The following SCFD2 variants were observed in gnomAD, a reference collection of about 807,000 sequenced individuals.
SCFD2 encodes sec1 family domain containing 2.
SCFD2 carries 54 observed loss-of-function variants against 58.9 expected under a neutral mutation model. The ratio of observed to expected loss-of-function variants is 0.92; its 90% confidence interval spans 0.74 to 1.15. The LOEUF is 1.15. SCFD2 is among the 50% of genes most tolerant of loss of function. The pLI, the probability that SCFD2 is intolerant of heterozygous loss-of-function variation, is 0.00. For missense variants in SCFD2, 805 were observed against 836.6 expected, an observed-to-expected ratio of 0.96 and a Z score of 0.47; for synonymous variants, 321 against 335.9, an observed-to-expected ratio of 0.96 and a Z score of 0.49.
At chr4:53,297,548 C>A (rs1448257346) in intron 3 of SCFD2, among the ~76,000 whole-genome samples, 1 of 151,902 alleles carries the variant, frequency 6.6e-6, no homozygotes, top group African/African-American at 2.4e-5. Context: ...CTATGTGTGT[C>A]CTTGCATGTG....
intron 5 of SCFD2, among the ~76,000 whole-genome samples, chr4:52,986,955 C>T (rs1162135886): frequency 6.6e-6 from 1 of 152,112 alleles, no homozygotes; most frequent in Non-Finnish European, 1.5e-5. Context: ...GTGGCTCAGC[C>T]CTGGTGAGAA....
At chr4:53,354,075 C>A (rs112415078) in intron 1 of SCFD2, among the ~76,000 whole-genome samples, 4,124 of 152,382 alleles carry the variant, frequency 0.027, 92 homozygotes, top group Non-Finnish European at 0.041. Context: ...TCCTGCACCA[C>A]GTGCCCACAT....
At chr4:53,283,326 A>G (rs1731562978) in intron 3 of SCFD2, among the ~76,000 whole-genome samples, 4 of 152,096 alleles carry the variant, frequency 2.6e-5, no homozygotes, top group Admixed American at 2.6e-4. Flanking sequence ...TTACTGCTCT[A>G]TATTACCATA....
chr4:53,098,563 C>A (rs369019283), intron 5 of SCFD2, among the ~76,000 whole-genome samples: 45 of 151,658 alleles, frequency 3.0e-4, no homozygotes, highest in African/African-American at 9.2e-4. Context: ...GTGGTGATAT[C>A]CCATTTTGTT....
chr4:53,170,181 C>T (rs1727139056), intron 4 of SCFD2, among the ~76,000 whole-genome samples: 1 of 152,088 alleles, frequency 6.6e-6, no homozygotes, highest in African/African-American at 2.4e-5. Flanking sequence ...TAGTGTCTAA[C>T]TCATTTTCAG....
rs183195981 is a variant in SCFD2 at position 53,307,469 on chromosome 4, C to A, written c.1135+6167G>T. 1.2e-4 allele frequency among the ~76,000 whole-genome samples: 19 copies of A among 152,268 alleles called. No homozygotes were observed. In the East Asian group the frequency reaches 3.5e-3, roughly 28 times the overall value. On this transcript the variant is annotated intron_variant, in intron 3 of 8. Coordinates refer to ENST00000401642, the MANE Select transcript of SCFD2 (RefSeq NM_152540.4). ...GCCTGATAATAGAAGTCAGACAGAT[C>A]CAGCTTTGTATCCTTGCTTACTTGC...
intron 5 of SCFD2, among the ~76,000 whole-genome samples, chr4:53,121,400 C>A (rs1380777720): frequency 1.3e-5 from 2 of 152,206 alleles, no homozygotes; most frequent in Non-Finnish European, 2.9e-5. Flanking sequence ...TCCAGCTATT[C>A]ATGTGAAGTC....
intron 2 of SCFD2, among the ~76,000 whole-genome samples, chr4:53,342,854 G>A (rs896730170): frequency 2.6e-5 from 4 of 152,186 alleles, no homozygotes; most frequent in Non-Finnish European, 5.9e-5. Flanking sequence ...GCTCCTGAAT[G>A]AATACTGGGT....
chr4:53,144,294 A>C (rs1388217884), intron 5 of SCFD2, among the ~76,000 whole-genome samples: 1 of 151,546 alleles, frequency 6.6e-6, no homozygotes, highest in African/African-American at 2.4e-5. Flanking sequence ...TTAATTAAAA[A>C]AAAAATACAC....
chr4:52,925,548 T>A (rs1719844080), intron 5 of SCFD2, among the ~76,000 whole-genome samples: 1 of 149,668 alleles, frequency 6.7e-6, no homozygotes, highest in African/African-American at 2.5e-5. Context: ...GTGTGAGGCA[T>A]CCCGGGCCTG....
At chr4:52,889,462 G>A (rs886504132) in intron 7 of SCFD2, among the ~76,000 whole-genome samples, 1 of 152,188 alleles carries the variant, frequency 6.6e-6, no homozygotes, top group Non-Finnish European at 1.5e-5. Flanking sequence ...TATCTGCATA[G>A]AGTCTCATAG....
intron 4 of SCFD2, among the ~76,000 whole-genome samples, chr4:53,261,362 G>A (rs901791483): frequency 3.9e-5 from 6 of 152,014 alleles, no homozygotes; most frequent in Non-Finnish European, 8.8e-5. Flanking sequence ...TTTGATGTAG[G>A]CATTTAGTGC....
chr4:53,041,093 G>A (rs191638214), intron 5 of SCFD2, among the ~76,000 whole-genome samples: 3 of 152,172 alleles, frequency 2.0e-5, no homozygotes, highest in Admixed American at 6.5e-5. Flanking sequence ...CAGCATATCC[G>A]TGCCATATGG....
At chr4:53,099,870 G>C (rs910710884) in intron 5 of SCFD2, among the ~76,000 whole-genome samples, 4 of 152,080 alleles carry the variant, frequency 2.6e-5, no homozygotes, top group African/African-American at 9.7e-5. Context: ...GAGGATTTTT[G>C]TCCTTAATTT....
At chr4:53,328,911 G>T (rs1475619141) in intron 2 of SCFD2, among the ~76,000 whole-genome samples, 2 of 152,254 alleles carry the variant, frequency 1.3e-5, no homozygotes, top group African/African-American at 4.8e-5. Context: ...GCCGAAGCAG[G>T]GCGAGGCATT....
intron 4 of SCFD2, among the ~76,000 whole-genome samples, chr4:53,206,687 C>T (rs1261784819): frequency 6.6e-6 from 1 of 151,986 alleles, no homozygotes; most frequent in Non-Finnish European, 1.5e-5. Flanking sequence ...AATATTCTGA[C>T]TAAAATAATT....
chr4:53,293,771 G>A (rs1731925306), intron 3 of SCFD2, among the ~76,000 whole-genome samples: 1 of 152,076 alleles, frequency 6.6e-6, no homozygotes, highest in Non-Finnish European at 1.5e-5. Context: ...TGGGGTACAT[G>A]TGCAGAACGT....
intron 5 of SCFD2, among the ~76,000 whole-genome samples, chr4:52,988,783 C>A (rs952101528): frequency 1.3e-5 from 2 of 152,154 alleles, no homozygotes; most frequent in Non-Finnish European, 2.9e-5. Context: ...CTATAGGATA[C>A]AACCACTCTA....
intron 2 of SCFD2, among the ~76,000 whole-genome samples, chr4:53,340,774 A>G (rs1733843330): frequency 6.6e-6 from 1 of 152,184 alleles, no homozygotes; most frequent in Non-Finnish European, 1.5e-5. Context: ...TCCAGAGGAA[A>G]GATCAGGCAG....
Sources: gnomAD v4.1 joint callset for allele counts (sites outside exome capture counted in the v4.1 genomes callset) on GRCh38, gnomAD v4.1.1 for gene constraint, MANE v1.5 for transcripts, NCBI Gene and HGNC (gene_info 2026-07-23, HGNC 2026-07-21) for gene names.